ST7L: variants seen among roughly 807,000 people sequenced by gnomAD.
The protein encoded by ST7L is suppression of tumorigenicity 7 like.
Under a neutral mutation model 72.5 loss-of-function variants are expected in ST7L, and 57 were observed. The ratio of observed to expected loss-of-function variants is 0.79; its 90% CI spans 0.64 to 0.98. The LOEUF (loss-of-function observed/expected upper bound fraction) is 0.98, where lower values mean the gene tolerates loss of function less well. Among genes scored for constraint, ST7L ranks in the 50% least tolerant of loss-of-function variants. ST7L has a pLI of 0.00. For missense variants in ST7L, 576 were observed against 672.2 expected, an observed-to-expected ratio of 0.86 and a Z score of 1.58; for synonymous variants, 221 against 240.9, an observed-to-expected ratio of 0.92 and a Z score of 0.77.
intron 4 of ST7L, 119 bp from the exon 5 acceptor site, chr1:112,598,205 C>T: frequency 1.7e-6 from 1 of 602,472 alleles, no homozygotes; most frequent in Non-Finnish European, 2.8e-6. Flanking sequence ...TAAAATCTTA[C>T]AATCAGTAAA....
At chr1:112,573,928 T>C (rs1169661426) in intron 11 of ST7L, among the ~76,000 whole-genome samples, 1 of 144,060 alleles carries the variant, frequency 6.9e-6, no homozygotes, top group Non-Finnish European at 1.5e-5. Flanking sequence ...TTTTTTTTTT[T>C]TTTTGAGACG....
At chr1:112,618,444 A>C (rs1160651918) in intron 1 of ST7L, 1 of 204,622 alleles carries the variant, frequency 4.9e-6, no homozygotes, top group East Asian at 1.8e-4. Context: ...ATCCTCAATT[A>C]AAATCATGCC....
rs181519226 is a variant in ST7L at position 112,597,512 on chromosome 1, C to A, written c.622+459G>T. Among the ~76,000 whole-genome samples, 334 of 152,288 alleles carry A rather than the reference C, an allele frequency of 2.2e-3. 2 individuals are homozygous for A. The highest frequency in any genetic ancestry group is 7.8e-3 in the African/African-American group (324 of 41,556). On this transcript the variant is annotated intron_variant, in intron 5 of 14. Transcript: ENST00000358039. ...CTCAATACTCTCTTCTATAGATAAGCACTTAGAGAAAACTAAACACAGAAA... is the reference window on the plus strand; with the variant it reads ...CTCAATACTCTCTTCTATAGATAAGAACTTAGAGAAAACTAAACACAGAAA...
At chr1:112,537,656 T>C (rs933331731) in intron 14 of ST7L, among the ~76,000 whole-genome samples, 38 of 152,214 alleles carry the variant, frequency 2.5e-4, no homozygotes, top group African/African-American at 8.2e-4. Context: ...GAAAATGACC[T>C]ACCACTTAAA....
Position 112,577,066 on chromosome 1 carries a change from T to G in ST7L, c.1165A>C (p.Arg389=), listed in dbSNP as rs1663213786. Reference sequence around the variant, plus strand: ...ATTTCTGCTGTGCTTAATCCTCTTCTGGAGGCTGTTTCTGGAGAGAATCTA... The same window carrying G: ...ATTTCTGCTGTGCTTAATCCTCTTCGGGAGGCTGTTTCTGGAGAGAATCTA... ...SEKFSPETAS[R]RGLSTAEINA... Residue 389 remains arginine (R), a synonymous_variant, in exon 11 of 15, where the codon AGA becomes CGA. Coordinates refer to ENST00000358039, the MANE Select transcript of ST7L (RefSeq NM_017744.5). The G allele has an allele frequency of 1.9e-6, 3 of 1,601,898 alleles. No homozygotes were observed. Among genetic ancestry groups the G allele is most frequent in the Non-Finnish European group, 2.6e-6 (3 of 1,173,114 alleles).
intron 14 of ST7L, among the ~76,000 whole-genome samples, chr1:112,539,493 TAAA>T (rs552840461): frequency 2.6e-5 from 4 of 151,932 alleles, no homozygotes; most frequent in Non-Finnish European, 5.9e-5. Context: ...CCATCTCTAC[TAAA>T]AATACAAAAG....
chr1:112,604,522 T>A (rs1667896880), intron 3 of ST7L, among the ~76,000 whole-genome samples: 2 of 151,984 alleles, frequency 1.3e-5, no homozygotes, highest in African/African-American at 4.8e-5. Flanking sequence ...TACAGTATGA[T>A]GGTGGGCAGA....
At chr1:112,565,191 C>A (rs968705859) in intron 11 of ST7L, among the ~76,000 whole-genome samples, 8 of 149,178 alleles carry the variant, frequency 5.4e-5, no homozygotes, top group African/African-American at 1.7e-4. Flanking sequence ...ATTACAGGCG[C>A]CCACCACCAT....
chr1:112,605,058 G>C (rs1668001977), intron 3 of ST7L, among the ~76,000 whole-genome samples: 1 of 131,344 alleles, frequency 7.6e-6, no homozygotes, highest in Non-Finnish European at 1.5e-5. Context: ...TTGCATTCCA[G>C]CCTGAGCAGC....
chr1:112,610,726 G>A, intron 3 of ST7L, 115 bp downstream of exon 3: 1 of 1,283,936 alleles, frequency 7.8e-7, no homozygotes, highest in Non-Finnish European at 1.1e-6. Flanking sequence ...TTAGAATTTT[G>A]GGGGAAACAC....
intron 14 of ST7L, chr1:112,527,429 C>T (rs1653635030): frequency 6.5e-6 from 1 of 152,712 alleles, no homozygotes; most frequent in African/African-American, 2.4e-5. Flanking sequence ...CAGAAGTCAT[C>T]ATCTAAAGAA....
At chr1:112,582,623 C>T (rs1664300542) in intron 7 of ST7L, 151 bp from the exon 8 acceptor site, 1 of 512,806 alleles carries the variant, frequency 2.0e-6, no homozygotes. Context: ...ATGATGTCTA[C>T]ATTTGGATGA....
In ST7L at chr1:112,556,031, C is replaced by T. The variant is rs1165031587; in HGVS notation, c.1246-13G>A. On this transcript the variant is annotated splice_polypyrimidine_tract_variant and intron_variant, in intron 11 of 14. Coordinates refer to ENST00000358039, the MANE Select transcript of ST7L (RefSeq NM_017744.5). ...TCTCTAATAAATACTGAAAGAGTAA[C>T]ACACAGACACATATACACACAACAG... The T allele has an allele frequency of 8.9e-6, 14 of 1,565,364 alleles. No individual in the cohort carries two copies. The highest frequency in any genetic ancestry group is 1.2e-5 in the Non-Finnish European group (14 of 1,154,752).
intron 1 of ST7L, chr1:112,618,100 A>G: frequency 7.7e-7 from 1 of 1,301,522 alleles, no homozygotes; most frequent in Non-Finnish European, 1.0e-6. Flanking sequence ...TAATGGAAAT[A>G]CTTATATCTT....
intron 11 of ST7L, 100 bp downstream of exon 11, chr1:112,576,886 A>C: frequency 5.9e-6 from 5 of 845,064 alleles, no homozygotes; most frequent in Non-Finnish European, 9.2e-6. Context: ...GATTAAAACA[A>C]TTCTGCACCA....
chr1:112,533,804 C>T (rs925837084), intron 14 of ST7L, among the ~76,000 whole-genome samples: 2 of 151,956 alleles, frequency 1.3e-5, no homozygotes, highest in African/African-American at 2.4e-5. Flanking sequence ...TACAGGGGTG[C>T]GCCACCATGC....
chr1:112,579,380 TAAAA>T (rs34252016), intron 9 of ST7L, among the ~76,000 whole-genome samples: 58 of 96,786 alleles, frequency 6.0e-4, no homozygotes, highest in African/African-American at 7.7e-4. Flanking sequence ...CGAGACTCTG[TAAAA>T]AAAAAAAAAA....
intron 13 of ST7L, among the ~76,000 whole-genome samples, chr1:112,545,435 T>G (rs943488918): frequency 2.0e-5 from 3 of 152,242 alleles, no homozygotes; most frequent in Non-Finnish European, 4.4e-5. Flanking sequence ...TAGCTTAATA[T>G]AATATACTCT....
intron 12 of ST7L, 69 bp downstream of exon 12, chr1:112,555,798 TA>T: frequency 7.5e-7 from 1 of 1,331,144 alleles, no homozygotes. Context: ...CAATCTCATT[TA>T]AAAAGACTGC....
Sources: allele counts gnomAD v4.1 joint callset (sites outside exome capture counted in the v4.1 genomes callset), GRCh38; gene constraint gnomAD v4.1.1; transcripts MANE v1.5; gene names NCBI Gene and HGNC (gene_info 2026-07-23, HGNC 2026-07-21).